Variants in ESF1 observed in about 807,000 individuals in gnomAD.
The protein encoded by ESF1 is ESF1 nucleolar pre-rRNA processing protein.
Under a neutral mutation model 92.0 loss-of-function variants are expected in ESF1, and 58 were observed. The observed-to-expected ratio is 0.63, with a 90% confidence interval of 0.51 to 0.78. The LOEUF is 0.78. Among genes scored for constraint, ESF1 ranks in the 30% least tolerant of loss-of-function variants. The pLI, the probability that ESF1 is intolerant of heterozygous loss-of-function variation, is 0.00. For synonymous variants in ESF1, 321 were observed against 313.7 expected, an observed-to-expected ratio of 1.02 and a Z score of -0.24; for missense variants, 922 against 989.1, an observed-to-expected ratio of 0.93 and a Z score of 0.91.
chr20:13,771,133 G>C (rs1030011086), intron 6 of ESF1, among the ~76,000 whole-genome samples, 198 bp downstream of exon 6: 5 of 152,186 alleles, frequency 3.3e-5, no homozygotes, highest in African/African-American at 1.2e-4. Context: ...AAGATGTGGG[G>C]ATGATTCATA....
intron 13 of ESF1, among the ~76,000 whole-genome samples, chr20:13,716,353 G>A (rs1163552313): frequency 6.6e-6 from 1 of 152,142 alleles, no homozygotes; most frequent in African/African-American, 2.4e-5. Context: ...AAAAAACATG[G>A]CTTACTGCGC....
chr20:13,753,814 T>C (rs1270633558), intron 9 of ESF1, among the ~76,000 whole-genome samples: 1 of 152,164 alleles, frequency 6.6e-6, no homozygotes, highest in Non-Finnish European at 1.5e-5. Context: ...TTTTAACCCA[T>C]TTATGCCTGA....
intron 3 of ESF1, 52 bp from the exon 4 acceptor site, chr20:13,775,322 T>C: frequency 4.2e-6 from 5 of 1,189,618 alleles, no homozygotes; most frequent in South Asian, 1.4e-5. Flanking sequence ...TTCTCAATAC[T>C]TGAAAAATAA....
intron 9 of ESF1, among the ~76,000 whole-genome samples, chr20:13,734,576 G>A (rs2147734469): frequency 6.6e-6 from 1 of 152,242 alleles, no homozygotes; most frequent in South Asian, 2.1e-4. Context: ...GCAATAACTA[G>A]AGGGGGTAAC....
chr20:13,770,944 C>A (rs924766009), intron 6 of ESF1, among the ~76,000 whole-genome samples: 2 of 152,208 alleles, frequency 1.3e-5, no homozygotes, highest in Admixed American at 6.5e-5. Flanking sequence ...CTAGTGGCTA[C>A]TATACTGGAT....
At chr20:13,768,671 C>A (rs1162754364) in intron 7 of ESF1, among the ~76,000 whole-genome samples, 1 of 151,072 alleles carries the variant, frequency 6.6e-6, no homozygotes, top group South Asian at 2.1e-4. Flanking sequence ...CAGAGGGGGG[C>A]GGATCATCTG....
rs1979459369 is a variant in ESF1 at position 13,767,009 on chromosome 20, G to T, written c.1519-85C>A. 3.9e-6 allele frequency: 5 copies of T among 1,293,690 alleles called. No individual in the cohort carries two copies. In the East Asian group the frequency reaches 9.3e-5, roughly 24 times the overall value. The allele number at this position is 1,293,690 out of a possible 1,614,324, so 80.1% of individuals were successfully genotyped here. ...TTAAAGAATATATACTATTAACCTG[G>T]ATGTTTAACAGTAAGTTAAAAGTTA... On this transcript the variant is annotated intron_variant, in intron 7 of 13. Transcript: ENST00000617257.
chr20:13,732,141 G>A (rs1024645243), intron 10 of ESF1, among the ~76,000 whole-genome samples: 5 of 152,196 alleles, frequency 3.3e-5, no homozygotes, highest in African/African-American at 9.7e-5. Context: ...TCAGACTGGT[G>A]TCTGAAAGGG....
chr20:13,728,853 C>A, intron 10 of ESF1, among the ~76,000 whole-genome samples: 1 of 148,690 alleles, frequency 6.7e-6, no homozygotes, highest in African/African-American at 2.5e-5. Context: ...AGCAACAGAG[C>A]GAGACTCCAT....
intron 11 of ESF1, among the ~76,000 whole-genome samples, chr20:13,728,056 CTCTT>C (rs1963493104): frequency 1.3e-5 from 2 of 152,132 alleles, no homozygotes; most frequent in Admixed American, 6.5e-5. Flanking sequence ...ATATTTATTC[CTCTT>C]TCTATTTCCT....
At chr20:13,778,757 G>A (rs1249737806) in intron 2 of ESF1, among the ~76,000 whole-genome samples, 1 of 152,094 alleles carries the variant, frequency 6.6e-6, no homozygotes, top group African/African-American at 2.4e-5. Flanking sequence ...CATTCAATAA[G>A]TATCTGCAGC....
rs1345314694 is a variant in ESF1, at chr20:13,766,780, G to C, written c.1663C>G (p.Gln555Glu). The change falls in exon 8 of 14, where the codon CAA becomes GAA. Residue 555 changes from glutamine (Q) to glutamate (E), a missense_variant. Gln to Glu is a conservative substitution (Grantham distance 29). Coordinates refer to ENST00000617257, the MANE Select transcript of ESF1 (RefSeq NM_001276380.2). Reference sequence around the variant, plus strand: ...GTCACTGAAAGATTAACAATACCTTGTAGCTCCTCTTCTATCTCCTCTTCA... The same window carrying C: ...GTCACTGAAAGATTAACAATACCTTCTAGCTCCTCTTCTATCTCCTCTTCA... ...EDEEEIEEEL[Q>E]GDDGVNVEED... The C allele has an allele frequency of 1.2e-6, 2 of 1,613,232 alleles. No homozygotes were observed. The highest frequency in any genetic ancestry group is 1.7e-5 in the Admixed American group (1 of 59,984).
rs548650335 is a variant in ESF1, at chr20:13,770,892, C to T, written c.1403+439G>A. On this transcript the variant is annotated intron_variant, in intron 6 of 13. Coordinates refer to ENST00000617257, the MANE Select transcript of ESF1 (RefSeq NM_001276380.2). The stretch of plus-strand genomic sequence containing the variant: ...GGAACAATTATTTGAAATATGACTA[C>T]GCAACTGACTTATAAATTTTAACTA... Among the ~76,000 whole-genome samples, 19 of 152,274 alleles carry T rather than the reference C, an allele frequency of 1.2e-4. No individual in the cohort carries two copies. The South Asian group carries it at 1.5e-3, about 12-fold the overall frequency.
At position 13,738,819 on chromosome 20, in the gene ESF1, C is replaced by T. The variant is rs192738695; in HGVS notation, c.1829-4977G>A. Among the ~76,000 whole-genome samples, 23 of 152,024 alleles carry T rather than the reference C, an allele frequency of 1.5e-4. No homozygotes were observed. The Middle Eastern group carries it at 0.017, about 112-fold the overall frequency. On this transcript the variant is annotated intron_variant, in intron 9 of 13. Transcript: ENST00000617257. ...CCAGTGAAAGGTGTGACATACAGCACGCACCTTATAAATGTCTGCTGAATA... is the reference window on the plus strand; with the variant it reads ...CCAGTGAAAGGTGTGACATACAGCATGCACCTTATAAATGTCTGCTGAATA...
chr20:13,771,605 T>C (rs1979687270), intron 5 of ESF1, 122 bp from the exon 6 acceptor site: 1 of 723,032 alleles, frequency 1.4e-6, no homozygotes, highest in African/African-American at 1.8e-5. Context: ...CAAACCATCT[T>C]TCCTTCATGA....
Position 13,784,881 on chromosome 20 carries a change from G to C in ESF1, c.-45C>G. 3 of 609,482 alleles carry C rather than the reference G, an allele frequency of 4.9e-6. No homozygotes were observed. The South Asian group carries it at 5.9e-5, about 12-fold the overall frequency. 37.8% of individuals were successfully genotyped at this position (609,482 alleles called of 1,614,324 possible). ...CAACTCCAGTCCATCCCCACTCACC[G>C]TCCGCAGTCCTACCAAGCCTCACGT... On this transcript the variant is annotated splice_region_variant and 5_prime_UTR_variant, in exon 1 of 14. Transcript: ENST00000617257.
chr20:13,720,347 T>C (rs1372352463), intron 11 of ESF1, among the ~76,000 whole-genome samples: 3 of 152,052 alleles, frequency 2.0e-5, no homozygotes, highest in African/African-American at 7.2e-5. Context: ...CGCTGGGCAC[T>C]GTACCACCCT....
Position 13,715,004 on chromosome 20 carries a change from T to A in ESF1, c.2426A>T (p.Lys809Met). Residue 809 changes from lysine to methionine, a missense_variant, in exon 14 of 14, where the codon AAG becomes ATG. Physicochemically the swap from Lys to Met is moderately conservative, Grantham distance 95. Transcript: ENST00000617257. ...CTTTTCAATCTCACTCTCTTTTTTC[T>A]TTATTGCCTGAGTAAGTTCTTGTTC... ...RKEQELTQAI[K>M]KKESEIEKES... 1 of 1,614,138 alleles carries A rather than the reference T, an allele frequency of 6.2e-7. No homozygotes were observed. Among genetic ancestry groups the A allele is most frequent in the Non-Finnish European group, 8.5e-7 (1 of 1,180,022 alleles).
Position 13,776,196 on chromosome 20 carries a change from C to A in ESF1, c.712G>T (p.Ala238Ser). Residue 238 changes from alanine (A) to serine (S), a missense_variant, in exon 3 of 14, where the codon GCT becomes TCT. Physicochemically the swap from Ala to Ser is moderately conservative, Grantham distance 99. Coordinates refer to ENST00000617257, the MANE Select transcript of ESF1 (RefSeq NM_001276380.2). ...ACGCTTTCTGAATCTTCCTCCAGAG[C>A]ATCTTTGTCACACATTTCACCATCT... The part of the protein sequence containing the change: ...STDGEMCDKD[A>S]LEEDSESVSE... 1 of 1,613,834 alleles carries A rather than the reference C, an allele frequency of 6.2e-7. No homozygotes were observed. The highest frequency in any genetic ancestry group is 1.1e-5 in the South Asian group (1 of 91,064).
Sources: allele counts gnomAD v4.1 joint callset (sites outside exome capture counted in the v4.1 genomes callset), GRCh38; gene constraint gnomAD v4.1.1; transcripts MANE v1.5; gene names NCBI Gene and HGNC (gene_info 2026-07-23, HGNC 2026-07-21).